ADAM12: variants seen among roughly 807,000 people sequenced by gnomAD.
ADAM12 encodes the protein disintegrin and metalloproteinase domain-containing protein 12.
A neutral mutation model predicts 106.4 loss-of-function variants in ADAM12; 70 were observed. The ratio of observed to expected loss-of-function variants is 0.66; its 90% CI spans 0.54 to 0.80. The LOEUF (loss-of-function observed/expected upper bound fraction) is 0.80, where lower values mean the gene tolerates loss of function less well. Among genes scored for constraint, ADAM12 ranks in the 30% least tolerant of loss-of-function variants. ADAM12 has a pLI of 0.00. For missense variants in ADAM12, 1,010 were observed against 1,171.9 expected, an observed-to-expected ratio of 0.86 and a Z score of 2.02; for synonymous variants, 420 against 433.5, an observed-to-expected ratio of 0.97 and a Z score of 0.39.
At chr10:126,121,989 T>C (rs1956124322) in intron 5 of ADAM12, among the ~76,000 whole-genome samples, 1 of 152,094 alleles carries the variant, frequency 6.6e-6, no homozygotes, top group Admixed American at 6.5e-5. Flanking sequence ...AGATCTATCA[T>C]GCTCAGGATA....
chr10:126,326,343 C>T (rs1854301898), intron 2 of ADAM12, among the ~76,000 whole-genome samples: 1 of 152,030 alleles, frequency 6.6e-6, no homozygotes. Flanking sequence ...AACCAGTATA[C>T]ATAGTAAGTC....
At chr10:126,371,796 C>G (rs1262325128) in intron 1 of ADAM12, among the ~76,000 whole-genome samples, 1 of 152,202 alleles carries the variant, frequency 6.6e-6, no homozygotes, top group Non-Finnish European at 1.5e-5. Context: ...CCATTCTACG[C>G]TTATCCTCCC....
intron 5 of ADAM12, among the ~76,000 whole-genome samples, chr10:126,126,535 G>A (rs1353249505): frequency 6.7e-6 from 1 of 149,876 alleles, no homozygotes; most frequent in African/African-American, 2.5e-5. Flanking sequence ...TATTGAACAA[G>A]CATAAGACTG....
At position 126,246,099 on chromosome 10, in the gene ADAM12, G is replaced by C. The variant is rs1958624192; in HGVS notation, c.260+32816C>G. Reference sequence around the variant, plus strand: ...GCCTAGGAAAAATGGTAAAGACAAAGAAAATAATGAGGGACACAAAACCCT... The same window carrying C: ...GCCTAGGAAAAATGGTAAAGACAAACAAAATAATGAGGGACACAAAACCCT... On this transcript the variant is annotated intron_variant, in intron 3 of 22. Coordinates refer to ENST00000448723, the MANE Select transcript of ADAM12 (RefSeq NM_001288973.2). 2.0e-5 allele frequency among the ~76,000 whole-genome samples: 3 copies of C among 152,260 alleles called. No homozygotes were observed. In the South Asian group the frequency reaches 6.2e-4, roughly 32 times the overall value.
At chr10:126,214,738 A>G (rs189181125) in intron 3 of ADAM12, among the ~76,000 whole-genome samples, 1 of 152,362 alleles carries the variant, frequency 6.6e-6, no homozygotes, top group East Asian at 1.9e-4. Context: ...AAGAGTATCT[A>G]TGATGTTCAT....
intron 1 of ADAM12, among the ~76,000 whole-genome samples, chr10:126,375,752 T>C (rs1856267832): frequency 6.6e-6 from 1 of 151,572 alleles, no homozygotes; most frequent in South Asian, 2.1e-4. Context: ...CTTTTTTTTT[T>C]TTCTTTCTTT....
chr10:126,357,254 T>C (rs975058373), intron 1 of ADAM12, among the ~76,000 whole-genome samples: 5 of 152,036 alleles, frequency 3.3e-5, no homozygotes, highest in East Asian at 1.9e-4. Flanking sequence ...AATATGACTA[T>C]CAGTGCATTA....
intron 5 of ADAM12, among the ~76,000 whole-genome samples, chr10:126,124,290 G>A (rs1000750063): frequency 7.4e-5 from 11 of 149,646 alleles, no homozygotes; most frequent in Admixed American, 2.0e-4. Context: ...ATTTAATTTC[G>A]GCTTTTTTTT....
At position 126,101,191 on chromosome 10, in the gene ADAM12, C is replaced by T. The variant is rs866850935; in HGVS notation, c.792G>A (p.Trp264Ter). The change falls in exon 9 of 23, where the codon TGG (tryptophan) becomes TGA (stop). Residue 264 changes from tryptophan to a stop codon, truncating the protein, a stop_gained. Transcript: ENST00000448723. LOFTEE classifies it high-confidence loss of function. ...IRIVLVGVEV[W>*]NDMDKCSVSQ... ...TTACAGAGCATTTGTCCATGTCATT[C>T]CACACTTCCACGCCTACCAACACGA... 6.2e-7 allele frequency: 1 copy of T among 1,614,184 alleles called. No homozygotes were observed. Among genetic ancestry groups the T allele is most frequent in the East Asian group, 2.2e-5 (1 of 44,880 alleles).
At chr10:126,185,031 T>C (rs1957375827) in intron 3 of ADAM12, among the ~76,000 whole-genome samples, 1 of 152,228 alleles carries the variant, frequency 6.6e-6, no homozygotes. Context: ...ACCCATCTAA[T>C]GAAAGCACGG....
At chr10:126,301,462 T>C (rs1195724238) in intron 2 of ADAM12, among the ~76,000 whole-genome samples, 1 of 152,152 alleles carries the variant, frequency 6.6e-6, no homozygotes, top group African/African-American at 2.4e-5. Flanking sequence ...GGAAATTAGG[T>C]GGCAGTGCAT....
At chr10:126,183,597 G>T (rs11244871) in intron 3 of ADAM12, among the ~76,000 whole-genome samples, 1 of 152,094 alleles carries the variant, frequency 6.6e-6, no homozygotes, top group Admixed American at 6.5e-5. Context: ...TCAACATGTC[G>T]TCCGCACTTC....
At chr10:126,149,540 G>T (rs1228128763) in intron 4 of ADAM12, among the ~76,000 whole-genome samples, 1 of 152,206 alleles carries the variant, frequency 6.6e-6, no homozygotes, top group Non-Finnish European at 1.5e-5. Flanking sequence ...TAACATTTGA[G>T]TCAGTGGACT....
chr10:126,129,116 G>A (rs1031821337), intron 5 of ADAM12, among the ~76,000 whole-genome samples: 2 of 152,256 alleles, frequency 1.3e-5, no homozygotes, highest in African/African-American at 4.8e-5. Flanking sequence ...GTCTTTTAAA[G>A]CACAGGTAGG....
intron 2 of ADAM12, among the ~76,000 whole-genome samples, chr10:126,324,637 C>G (rs888314069): frequency 1.2e-4 from 18 of 152,104 alleles, no homozygotes; most frequent in African/African-American, 4.3e-4. Context: ...AAGCACATGT[C>G]AGGATACTGG....
chr10:126,359,897 A>G (rs951669511), intron 1 of ADAM12, among the ~76,000 whole-genome samples: 1 of 152,214 alleles, frequency 6.6e-6, no homozygotes, highest in African/African-American at 2.4e-5. Flanking sequence ...TCACCCCTGC[A>G]GCAAACTTCT....
At chr10:126,337,531 C>T (rs1029431256) in intron 1 of ADAM12, among the ~76,000 whole-genome samples, 5 of 152,214 alleles carry the variant, frequency 3.3e-5, no homozygotes, top group African/African-American at 1.2e-4. Flanking sequence ...CTTCCTCCAC[C>T]TGCTTTGTTC....
intron 11 of ADAM12, among the ~76,000 whole-genome samples, chr10:126,075,358 C>T (rs1258337464): frequency 3.3e-5 from 5 of 152,196 alleles, no homozygotes; most frequent in Middle Eastern, 6.8e-3. Context: ...CAGCCTATCA[C>T]ACATCATTCC....
chr10:126,378,932 A>T (rs1856393784), intron 1 of ADAM12, among the ~76,000 whole-genome samples: 2 of 152,202 alleles, frequency 1.3e-5, no homozygotes, highest in Non-Finnish European at 1.5e-5. Context: ...TAGTATGCTT[A>T]ATTTCAGGAA....
Sources: allele counts gnomAD v4.1 joint callset (sites outside exome capture counted in the v4.1 genomes callset), GRCh38; gene constraint gnomAD v4.1.1; transcripts MANE v1.5; gene names NCBI Gene and HGNC (gene_info 2026-07-23, HGNC 2026-07-21).